The following NPAS3 variants were observed in gnomAD, a reference collection of about 807,000 sequenced individuals.
NPAS3 encodes the protein neuronal PAS domain protein 3, also known as neuronal PAS domain-containing protein 3.
Under a neutral mutation model 73.1 loss-of-function variants are expected in NPAS3, and 14 were observed. The ratio of observed to expected loss-of-function variants is 0.19; its 90% CI spans 0.13 to 0.30. NPAS3 has a LOEUF of 0.30. NPAS3 is among the 10% of genes least tolerant of loss of function. The pLI is 1.00. For missense variants in NPAS3, 1,096 were observed against 1,250.0 expected (o/e 0.88, Z 1.86); for synonymous variants, 620 against 541.5 (o/e 1.14, Z -2.01).
intron 6 of NPAS3, among the ~76,000 whole-genome samples, chr14:33,729,478 T>C (rs544373923): frequency 5.3e-5 from 8 of 152,308 alleles, no homozygotes; most frequent in African/African-American, 1.9e-4. Context: ...TAGGAGCAGC[T>C]GATCTGTGTA....
intron 6 of NPAS3, among the ~76,000 whole-genome samples, chr14:33,714,423 G>T (rs2060904196): frequency 1.3e-5 from 2 of 152,118 alleles, no homozygotes; most frequent in Admixed American, 1.3e-4. Flanking sequence ...TCTAACACCA[G>T]CTGTGGACAA....
intron 9 of NPAS3, among the ~76,000 whole-genome samples, chr14:33,783,304 G>T (rs1292716996): frequency 6.6e-6 from 1 of 152,154 alleles, no homozygotes; most frequent in East Asian, 1.9e-4. Flanking sequence ...TCTGTTTTCT[G>T]ATCTCAGCCT....
At chr14:33,447,743 G>A (rs2049585725) in intron 4 of NPAS3, among the ~76,000 whole-genome samples, 1 of 152,060 alleles carries the variant, frequency 6.6e-6, no homozygotes, top group South Asian at 2.1e-4. Context: ...GTGAGATCTT[G>A]TCTCTACAAA....
chr14:33,096,488 T>TTA (rs1007365967), intron 2 of NPAS3, among the ~76,000 whole-genome samples: 5 of 152,324 alleles, frequency 3.3e-5, no homozygotes, highest in African/African-American at 1.2e-4. Flanking sequence ...GGCAATGTGT[T>TTA]TAGAGAGAAT....
intron 4 of NPAS3, among the ~76,000 whole-genome samples, chr14:33,478,887 C>T (rs914806542): frequency 2.6e-5 from 4 of 152,116 alleles, no homozygotes; most frequent in Admixed American, 2.0e-4. Context: ...CTTGAATTTG[C>T]CTTTAACTCT....
intron 3 of NPAS3, among the ~76,000 whole-genome samples, chr14:33,218,247 C>T (rs1283577276): frequency 1.3e-5 from 2 of 152,106 alleles, no homozygotes; most frequent in Admixed American, 6.6e-5. Context: ...TTCACTTTCA[C>T]TATTAGTAAA....
At chr14:33,520,060 A>C (rs1265814707) in intron 4 of NPAS3, among the ~76,000 whole-genome samples, 1 of 152,046 alleles carries the variant, frequency 6.6e-6, no homozygotes, top group African/African-American at 2.4e-5. Flanking sequence ...TGGTTTAATT[A>C]GTTGTTGGAT....
At chr14:33,147,537 C>T (rs908143863) in intron 2 of NPAS3, among the ~76,000 whole-genome samples, 8 of 149,380 alleles carry the variant, frequency 5.4e-5, no homozygotes, top group East Asian at 3.9e-4. Context: ...GGATTAGTGC[C>T]GCACTTGGAC....
At chr14:33,513,598 C>T (rs1260090973) in intron 4 of NPAS3, among the ~76,000 whole-genome samples, 5 of 152,026 alleles carry the variant, frequency 3.3e-5, no homozygotes, top group South Asian at 4.1e-4. Context: ...CACACAGCTA[C>T]GAAGTGGTAA....
chr14:33,531,679 C>G (rs1342893896), intron 4 of NPAS3, among the ~76,000 whole-genome samples: 1 of 152,026 alleles, frequency 6.6e-6, no homozygotes, highest in Non-Finnish European at 1.5e-5. Flanking sequence ...TTACATTTCC[C>G]TAGGGTAAAT....
At chr14:32,965,809 T>C (rs1279109911) in intron 1 of NPAS3, among the ~76,000 whole-genome samples, 1 of 152,142 alleles carries the variant, frequency 6.6e-6, no homozygotes, top group African/African-American at 2.4e-5. Context: ...TATAGAAAAC[T>C]CTACAGACGC....
At position 33,776,346 on chromosome 14, in the gene NPAS3, G is replaced by A. The variant is rs375759666; in HGVS notation, c.1046+1816G>A. ...CTCTCCCTCCAAAGAACAGGGCCTC[G>A]TCTTATTTACCAAACTTCCAATGAT... On this transcript the variant is annotated intron_variant, in intron 8 of 11. Coordinates refer to ENST00000356141, the Ensembl canonical transcript of NPAS3. Among the ~76,000 whole-genome samples, 14 of 151,722 alleles carry A rather than the reference G, an allele frequency of 9.2e-5. No homozygotes were observed. In the East Asian group the frequency reaches 9.7e-4, roughly 11 times the overall value.
chr14:33,301,815 A>G (rs1305997840), intron 3 of NPAS3, among the ~76,000 whole-genome samples: 1 of 152,182 alleles, frequency 6.6e-6, no homozygotes, highest in Non-Finnish European at 1.5e-5. Context: ...ATCAGTAGCC[A>G]TGTTCATTTT....
intron 5 of NPAS3, among the ~76,000 whole-genome samples, chr14:33,591,794 T>C (rs975547319): frequency 1.9e-4 from 29 of 152,318 alleles, no homozygotes; most frequent in Non-Finnish European, 1.6e-4. Flanking sequence ...GGGAAACGTA[T>C]GTAACATACC....
At chr14:33,169,747 A>G (rs1355574212) in intron 2 of NPAS3, among the ~76,000 whole-genome samples, 1 of 152,252 alleles carries the variant, frequency 6.6e-6, no homozygotes, top group African/African-American at 2.4e-5. Flanking sequence ...CAGGTTTTCA[A>G]AATGCTGTTT....
chr14:33,619,244 T>C (rs1429995850), intron 5 of NPAS3, among the ~76,000 whole-genome samples: 1 of 152,160 alleles, frequency 6.6e-6, no homozygotes, highest in East Asian at 1.9e-4. Flanking sequence ...TTAGTCATAA[T>C]ATATAATTTA....
intron 1 of NPAS3, among the ~76,000 whole-genome samples, chr14:33,020,071 CA>C (rs2039539214): frequency 6.6e-6 from 1 of 152,030 alleles, no homozygotes; most frequent in African/African-American, 2.4e-5. Context: ...AATGTCTTGT[CA>C]GTATTATATT....
chr14:33,087,457 A>G (rs943650982), intron 2 of NPAS3, among the ~76,000 whole-genome samples: 1 of 151,976 alleles, frequency 6.6e-6, no homozygotes, highest in South Asian at 2.1e-4. Context: ...TGATACCATT[A>G]ATGCTAGAAA....
chr14:33,797,793 G>GTA (rs2063556465), intron 11 of NPAS3, among the ~76,000 whole-genome samples: 1 of 150,708 alleles, frequency 6.6e-6, no homozygotes, highest in South Asian at 2.1e-4. Context: ...TACTATATAG[G>GTA]TATATATACA....
Sources: allele counts gnomAD v4.1 joint callset (sites outside exome capture counted in the v4.1 genomes callset), GRCh38; gene constraint gnomAD v4.1.1; transcripts MANE v1.5; gene names NCBI Gene and HGNC (gene_info 2026-07-23, HGNC 2026-07-21).